PCDH9: variants seen among roughly 807,000 people sequenced by gnomAD.
The protein encoded by PCDH9 is protocadherin-9.
In PCDH9, 24 loss-of-function variants were observed where a neutral mutation model predicts 70.6. That is an observed-to-expected ratio of 0.34 (90% CI 0.25 to 0.48). PCDH9 has a LOEUF of 0.48. Ranked by LOEUF, PCDH9 falls within the 20% of genes least tolerant of loss-of-function variation. PCDH9 has a pLI of 0.99. For missense variants in PCDH9, 1,281 were observed against 1,503.6 expected, an observed-to-expected ratio of 0.85 and a Z score of 2.45; for synonymous variants, 562 against 558.5, an observed-to-expected ratio of 1.01 and a Z score of -0.09.
intron 2 of PCDH9, among the ~76,000 whole-genome samples, chr13:66,975,419 A>G (rs1234039089): frequency 6.6e-6 from 1 of 152,048 alleles, no homozygotes; most frequent in Non-Finnish European, 1.5e-5. Context: ...ATGCTTATGA[A>G]GTTATTTAAA....
At chr13:66,920,168 C>T (rs1043224275) in intron 2 of PCDH9, among the ~76,000 whole-genome samples, 2 of 151,128 alleles carry the variant, frequency 1.3e-5, no homozygotes, top group Admixed American at 6.6e-5. Context: ...TAAACCCACA[C>T]ATTTTAAGAC....
chr13:66,636,672 G>A (rs1461124273), intron 3 of PCDH9, among the ~76,000 whole-genome samples: 1 of 151,954 alleles, frequency 6.6e-6, no homozygotes, highest in Admixed American at 6.5e-5. Flanking sequence ...ACCTAATTTT[G>A]ATTTAATTCC....
intron 2 of PCDH9, among the ~76,000 whole-genome samples, chr13:66,954,634 G>A (rs2083238537): frequency 6.6e-6 from 1 of 152,176 alleles, no homozygotes; most frequent in Non-Finnish European, 1.5e-5. Context: ...CACTACTGCA[G>A]GTCTCAGTCC....
chr13:66,945,472 G>A (rs9571698), intron 2 of PCDH9, among the ~76,000 whole-genome samples: 20,234 of 152,068 alleles, frequency 0.13, 1,458 homozygotes, highest in East Asian at 0.28. Flanking sequence ...TAAAAGGGAA[G>A]CATTCTTTTT....
intron 3 of PCDH9, among the ~76,000 whole-genome samples, chr13:66,688,733 A>G (rs1296771780): frequency 6.6e-6 from 1 of 152,180 alleles, no homozygotes; most frequent in Non-Finnish European, 1.5e-5. Flanking sequence ...ATTGATTAAT[A>G]ACAATAATTA....
At chr13:67,116,398 T>G (rs2086775267) in intron 2 of PCDH9, among the ~76,000 whole-genome samples, 1 of 152,188 alleles carries the variant, frequency 6.6e-6, no homozygotes, top group Non-Finnish European at 1.5e-5. Context: ...CTGAAAATCA[T>G]CTGATGATTT....
At chr13:66,670,295 G>C (rs886216255) in intron 3 of PCDH9, among the ~76,000 whole-genome samples, 3 of 152,132 alleles carry the variant, frequency 2.0e-5, no homozygotes, top group Non-Finnish European at 4.4e-5. Context: ...AATAACCTAA[G>C]TGGTCTAAGT....
intron 2 of PCDH9, among the ~76,000 whole-genome samples, chr13:66,950,588 T>A (rs77922340): frequency 6.6e-6 from 1 of 152,048 alleles, no homozygotes; most frequent in Non-Finnish European, 1.5e-5. Context: ...CCATTGCATA[T>A]ATTTGGTAAG....
At chr13:66,562,695 T>C (rs760481379) in intron 4 of PCDH9, among the ~76,000 whole-genome samples, 2 of 152,116 alleles carry the variant, frequency 1.3e-5, no homozygotes, top group Non-Finnish European at 2.9e-5. Flanking sequence ...TTAGGGGAGC[T>C]GCAATTCAAG....
At chr13:67,114,367 G>C (rs2086718912) in intron 2 of PCDH9, among the ~76,000 whole-genome samples, 2 of 151,838 alleles carry the variant, frequency 1.3e-5, no homozygotes, top group South Asian at 4.2e-4. Context: ...AGCCTCTTTG[G>C]GGTTTATATA....
intron 2 of PCDH9, among the ~76,000 whole-genome samples, chr13:67,152,132 A>G (rs919275730): frequency 1.3e-5 from 2 of 152,210 alleles, no homozygotes; most frequent in African/African-American, 4.8e-5. Context: ...TAAATTTTAC[A>G]TGAAATAAAA....
intron 4 of PCDH9, among the ~76,000 whole-genome samples, chr13:66,602,546 A>C (rs753683202): frequency 6.8e-6 from 1 of 146,142 alleles, no homozygotes; most frequent in Non-Finnish European, 1.5e-5. Flanking sequence ...CTAAAGAAAT[A>C]AGTATTTTTG....
At chr13:66,319,924 C>T (rs1294433041) in intron 4 of PCDH9, among the ~76,000 whole-genome samples, 1 of 152,030 alleles carries the variant, frequency 6.6e-6, no homozygotes, top group Non-Finnish European at 1.5e-5. Context: ...CTTTGTCATC[C>T]TCTACCATTA....
At chr13:66,733,850 C>T (rs2079108703) in intron 3 of PCDH9, among the ~76,000 whole-genome samples, 2 of 152,034 alleles carry the variant, frequency 1.3e-5, no homozygotes, top group Non-Finnish European at 2.9e-5. Context: ...TTACTGAGTT[C>T]TTATGAAATA....
At position 66,383,238 on chromosome 13, in the gene PCDH9, G is replaced by A. The variant is rs148628422; in HGVS notation, c.3341-78210C>T. On this transcript the variant is annotated intron_variant, in intron 4 of 4. Transcript: ENST00000377865. ...TGAGCACAAAAAATGGCATGCCTCC[G>A]TATGAGTGCTTCACCAACGTATAAG... 2.6e-5 allele frequency among the ~76,000 whole-genome samples: 4 copies of A among 152,234 alleles called. No individual in the cohort carries two copies. In the East Asian group the frequency reaches 7.7e-4, roughly 29 times the overall value.
chr13:66,549,668 A>G (rs1229026462), intron 4 of PCDH9, among the ~76,000 whole-genome samples: 2 of 152,134 alleles, frequency 1.3e-5, no homozygotes, highest in African/African-American at 2.4e-5. Flanking sequence ...TGATCTAAAT[A>G]TTAGGTATAT....
At chr13:66,317,427 C>T (rs1367337788) in intron 4 of PCDH9, among the ~76,000 whole-genome samples, 1 of 152,166 alleles carries the variant, frequency 6.6e-6, no homozygotes, top group Non-Finnish European at 1.5e-5. Context: ...GGCAAAATAG[C>T]TGCATTCAGA....
intron 4 of PCDH9, among the ~76,000 whole-genome samples, chr13:66,492,068 C>A (rs537354642): frequency 4.6e-5 from 7 of 151,988 alleles, no homozygotes; most frequent in Non-Finnish European, 8.8e-5. Context: ...GATTTGTGCT[C>A]GGGTTTCTGA....
intron 4 of PCDH9, among the ~76,000 whole-genome samples, chr13:66,393,729 G>A (rs1455209370): frequency 6.6e-6 from 1 of 152,140 alleles, no homozygotes; most frequent in East Asian, 1.9e-4. Context: ...AAAGATCAAG[G>A]TTAACTGAAG....
Sources: gnomAD v4.1 joint callset for allele counts (sites outside exome capture counted in the v4.1 genomes callset) on GRCh38, gnomAD v4.1.1 for gene constraint, MANE v1.5 for transcripts, NCBI Gene and HGNC (gene_info 2026-07-23, HGNC 2026-07-21) for gene names.